NELL2: variants seen among roughly 807,000 people sequenced by gnomAD.
The protein encoded by NELL2 is protein kinase C-binding protein NELL2.
NELL2 carries 41 observed loss-of-function variants against 109.6 expected under a neutral mutation model. The ratio of observed to expected loss-of-function variants is 0.37; its 90% CI spans 0.29 to 0.49. NELL2 has a LOEUF of 0.49. Among genes scored for constraint, NELL2 ranks in the 20% least tolerant of loss-of-function variants. The probability of loss-of-function intolerance (pLI) is 0.98; values close to 1 mark genes in which losing one functional copy is unlikely to be tolerated. For missense variants in NELL2, 900 were observed against 1,008.3 expected (o/e 0.89, Z 1.45); for synonymous variants, 355 against 344.7 (o/e 1.03, Z -0.33).
chr12:44,587,965 C>G (rs1339144416), intron 15 of NELL2, among the ~76,000 whole-genome samples: 1 of 152,064 alleles, frequency 6.6e-6, no homozygotes, highest in Admixed American at 6.6e-5. Context: ...TCCTGGCTAA[C>G]ATGGTGAAAC....
chr12:44,842,085 AAGGG>A (rs1231771942), intron 2 of NELL2, among the ~76,000 whole-genome samples: 6 of 67,618 alleles, frequency 8.9e-5, no homozygotes, highest in Non-Finnish European at 8.9e-5. Context: ...GTAAGGACGG[AAGGG>A]AGGGAGGGAG....
chr12:44,871,405 T>C (rs2136834376), intron 2 of NELL2, among the ~76,000 whole-genome samples: 1 of 152,318 alleles, frequency 6.6e-6, no homozygotes, highest in South Asian at 2.1e-4. Flanking sequence ...TATGCTAGTT[T>C]CCCAAAAATA....
chr12:44,525,007 C>G (rs1030591418), intron 16 of NELL2, among the ~76,000 whole-genome samples: 1 of 152,098 alleles, frequency 6.6e-6, no homozygotes, highest in Non-Finnish European at 1.5e-5. Context: ...TCTCCCATTA[C>G]ATATTTCTAG....
chr12:44,604,771 A>G (rs570440236), intron 15 of NELL2, among the ~76,000 whole-genome samples: 1 of 152,200 alleles, frequency 6.6e-6, no homozygotes, highest in East Asian at 1.9e-4. Flanking sequence ...GGCAATGGGG[A>G]ACATGAAAGT....
At chr12:44,585,648 C>T (rs1364948259) in intron 15 of NELL2, among the ~76,000 whole-genome samples, 1 of 152,004 alleles carries the variant, frequency 6.6e-6, no homozygotes, top group African/African-American at 2.4e-5. Context: ...AATAGCAAGT[C>T]ATAGAACAAA....
At chr12:44,763,038 C>G (rs1409642241) in intron 9 of NELL2, among the ~76,000 whole-genome samples, 2 of 152,172 alleles carry the variant, frequency 1.3e-5, no homozygotes, top group Non-Finnish European at 2.9e-5. Context: ...TCAGCCAGGA[C>G]AGTTAATCCA....
chr12:44,739,322 A>G (rs1174830965), intron 9 of NELL2, among the ~76,000 whole-genome samples: 1 of 152,192 alleles, frequency 6.6e-6, no homozygotes, highest in Non-Finnish European at 1.5e-5. Context: ...AAAAATTACT[A>G]TCTATACATC....
intron 1 of NELL2, among the ~76,000 whole-genome samples, chr12:44,895,864 G>A (rs1945587560): frequency 6.6e-6 from 1 of 151,830 alleles, no homozygotes; most frequent in Non-Finnish European, 1.5e-5. Flanking sequence ...GTGCATAACT[G>A]GATTATATTA....
intron 13 of NELL2, among the ~76,000 whole-genome samples, chr12:44,626,475 A>T (rs1946269055): frequency 2.0e-5 from 3 of 152,156 alleles, no homozygotes; most frequent in Admixed American, 2.0e-4. Context: ...TTTTACCTGG[A>T]TTTATTTCTT....
At chr12:44,608,826 T>C (rs1390435913) in intron 14 of NELL2, among the ~76,000 whole-genome samples, 1 of 151,500 alleles carries the variant, frequency 6.6e-6, no homozygotes, top group Non-Finnish European at 1.5e-5. Flanking sequence ...CGCTCATGCA[T>C]TGGAAATGCA....
At chr12:44,542,442 C>T (rs1942618400) in intron 15 of NELL2, among the ~76,000 whole-genome samples, 1 of 152,034 alleles carries the variant, frequency 6.6e-6, no homozygotes, top group African/African-American at 2.4e-5. Context: ...ATCCAAATGC[C>T]ACTAGTACAT....
At chr12:44,530,795 G>A (rs1017272585) in intron 16 of NELL2, among the ~76,000 whole-genome samples, 4 of 152,078 alleles carry the variant, frequency 2.6e-5, no homozygotes, top group Non-Finnish European at 5.9e-5. Context: ...ACCACCATAG[G>A]CAAGCCTTCA....
upstream of NELL2, chr12:44,876,639 G>A (rs1566582341): frequency 1.9e-6 from 3 of 1,551,418 alleles, no homozygotes; most frequent in East Asian, 2.4e-5. Context: ...TTGAAAGACA[G>A]GAGAGAAAAA....
intron 16 of NELL2, 53 bp downstream of exon 16, chr12:44,532,527 AT>A: frequency 6.4e-7 from 1 of 1,562,970 alleles, no homozygotes; most frequent in Non-Finnish European, 8.7e-7. Flanking sequence ...CTTATGATAT[AT>A]TCCTCAAGTT....
chr12:44,769,658 G>A (rs1343430235), intron 9 of NELL2, among the ~76,000 whole-genome samples: 1 of 152,032 alleles, frequency 6.6e-6, no homozygotes, highest in African/African-American at 2.4e-5. Context: ...CAAGAAACAT[G>A]TAAAGAATTA....
intron 2 of NELL2, among the ~76,000 whole-genome samples, chr12:44,821,803 C>T (rs962730485): frequency 3.3e-5 from 5 of 151,980 alleles, no homozygotes; most frequent in African/African-American, 9.7e-5. Context: ...CTGCAACCTT[C>T]GCCTCCCAGG....
At chr12:44,880,515 T>C (rs552538633), upstream of NELL2, among the ~76,000 whole-genome samples, 31 of 151,894 alleles carry the variant, frequency 2.0e-4, no homozygotes, top group Non-Finnish European at 3.8e-4. Context: ...AACATGAATG[T>C]TACAGTTAAA....
At chr12:44,584,196 T>C (rs1030247890) in intron 15 of NELL2, among the ~76,000 whole-genome samples, 26 of 152,224 alleles carry the variant, frequency 1.7e-4, no homozygotes, top group African/African-American at 4.6e-4. Flanking sequence ...AATTACATAA[T>C]TGGTTTTAAA....
chr12:44,787,285 T>C (rs1942214015), intron 3 of NELL2, among the ~76,000 whole-genome samples: 4 of 152,182 alleles, frequency 2.6e-5, no homozygotes, highest in Middle Eastern at 3.4e-3. Flanking sequence ...ATCTAAATTA[T>C]GAATAAATAT....
Sources: allele counts gnomAD v4.1 joint callset (sites outside exome capture counted in the v4.1 genomes callset), GRCh38; gene constraint gnomAD v4.1.1; transcripts MANE v1.5; gene names NCBI Gene and HGNC (gene_info 2026-07-23, HGNC 2026-07-21).